The following WNT10B variants were observed in gnomAD, a reference collection of about 807,000 sequenced individuals.
The protein encoded by WNT10B is protein Wnt-10b.
WNT10B carries 26 observed loss-of-function variants against 32.7 expected under a neutral mutation model. The ratio of observed to expected loss-of-function variants is 0.79; its 90% CI spans 0.58 to 1.10. WNT10B has a LOEUF of 1.10. WNT10B is among the 50% of genes least tolerant of loss of function. The pLI, the probability that WNT10B is intolerant of heterozygous loss-of-function variation, is 0.00. For missense variants in WNT10B, 474 were observed against 532.5 expected, an observed-to-expected ratio of 0.89 and a Z score of 1.08; for synonymous variants, 204 against 220.4, an observed-to-expected ratio of 0.93 and a Z score of 0.66.
chr12:48,968,258 G>A lies in WNT10B; in HGVS notation c.399C>T (p.Ala133=), dbSNP rs751851407. 9.3e-6 allele frequency: 15 copies of A among 1,608,784 alleles called. No homozygotes were observed. Among genetic ancestry groups the A allele is most frequent in the Non-Finnish European group, 1.2e-5 (14 of 1,180,020 alleles). The change falls in exon 4 of 5, where the codon GCC becomes GCT. Residue 133 remains alanine (A), a synonymous_variant. Coordinates refer to ENST00000301061, the MANE Select transcript of WNT10B (RefSeq NM_003394.4). ...MLAAGVMHAV[A]TACSLGKLVS... ...CCAGCTTGCCCAGGCTGCAGGCCGTGGCTACTGCGTGCATGACCCCAGCAG... is the reference window on the plus strand; with the variant it reads ...CCAGCTTGCCCAGGCTGCAGGCCGTAGCTACTGCGTGCATGACCCCAGCAG...
At position 48,971,718 on chromosome 12, in the gene WNT10B, C is replaced by T. The variant is rs545941672; in HGVS notation, c.-304G>A. The T allele has an allele frequency of 6.6e-6, 1 of 152,174 alleles. No homozygotes were observed. Among genetic ancestry groups the T allele is most frequent in the Non-Finnish European group, 1.5e-5 (1 of 68,084 alleles). 9.4% of individuals were successfully genotyped at this position (152,174 alleles called of 1,614,324 possible). ...CTGGGGGCTCTGGCTTTGCTCTCAC[C>T]GAGCTCAGGGTGGCTCTGCCGGGCT... On this transcript the variant is annotated 5_prime_UTR_variant, in exon 1 of 5. Coordinates refer to ENST00000301061, the MANE Select transcript of WNT10B (RefSeq NM_003394.4).
intron 4 of WNT10B, among the ~76,000 whole-genome samples, chr12:48,967,592 G>A (rs559660779): frequency 2.6e-5 from 4 of 152,096 alleles, no homozygotes; most frequent in South Asian, 4.1e-4. Flanking sequence ...GAGCCACCGC[G>A]CCCGGCCCAG....
Position 48,966,306 on chromosome 12 carries a change from C to T in WNT10B, c.959G>A (p.Arg320Gln), listed in dbSNP as rs775734571. The stretch of plus-strand genomic sequence containing the variant: ...CCCTGGGGAGCCCATAGTGGGGTCT[C>T]GCTCACAGAAGTCAGGAGACTTCTC... ...YFEKSPDFCE[R>Q]DPTMGSPGTR... The change falls in exon 5 of 5, where the codon CGA (arginine) becomes CAA (glutamine). Residue 320 changes from arginine to glutamine, a missense_variant. Transcript: ENST00000301061. 1.1e-5 allele frequency: 18 copies of T among 1,614,220 alleles called. No homozygotes were observed. Among genetic ancestry groups the T allele is most frequent in the South Asian group, 3.3e-5 (3 of 91,084 alleles).
At position 48,965,755 on chromosome 12, in the gene WNT10B, C is replaced by CTA; in HGVS notation, c.*338_*339dup. 1 of 327,168 alleles carries CTA rather than the reference C, an allele frequency of 3.1e-6. No individual in the cohort carries two copies. The highest frequency in any genetic ancestry group is 3.7e-5 in the South Asian group (1 of 26,712). 20.3% of individuals were successfully genotyped at this position (327,168 alleles called of 1,614,324 possible). A position where few individuals can be genotyped will look rare whatever the true frequency, so the allele number is the denominator to read the frequency against. On this transcript the variant is annotated 3_prime_UTR_variant, in exon 5 of 5. Transcript: ENST00000301061. ...CCCTCAAGGGAGAGGAGTGGTGAAA[C>CTA]TATAGGGACTCCCCAGCCAAAAGGA...
rs2137610225 is a variant in WNT10B, at chr12:48,965,602, C to T, written c.*493G>A. On this transcript the variant is annotated 3_prime_UTR_variant, in exon 5 of 5. Transcript: ENST00000301061. ...CTCTTTCCCAAGAAAAACCTCTCTACCACTGTCTCCCATTATCCCACAAGA... is the reference window on the plus strand; with the variant it reads ...CTCTTTCCCAAGAAAAACCTCTCTATCACTGTCTCCCATTATCCCACAAGA... The T allele has an allele frequency of 6.2e-6, 1 of 160,614 alleles. No homozygotes were observed. Among genetic ancestry groups the T allele is most frequent in the Non-Finnish European group, 1.4e-5 (1 of 72,726 alleles). 9.9% of individuals were successfully genotyped at this position (160,614 alleles called of 1,614,324 possible).
Position 48,966,104 on chromosome 12 carries a change from CA to C in WNT10B, c.1160del (p.Val387GlyfsTer40). The C allele has an allele frequency of 1.2e-6, 2 of 1,613,780 alleles. No individual in the cohort carries two copies. Among genetic ancestry groups the C allele is most frequent in the Non-Finnish European group, 1.7e-6 (2 of 1,180,030 alleles). On this transcript the variant is annotated frameshift_variant, in exon 5 of 5. Coordinates refer to ENST00000301061, the MANE Select transcript of WNT10B (RefSeq NM_003394.4). LOFTEE classifies it high-confidence loss of function. Reference protein sequence around the residue: ...DECKVTEWVNVCK With the variant: ...DECKVTEWVNXCK Reference sequence around the variant, plus strand: ...AAGGTAAGGCTGACCCTCACTTACACACATTCACCCACTCTGTAACCTTGCA... The same window carrying C: ...AAGGTAAGGCTGACCCTCACTTACACCATTCACCCACTCTGTAACCTTGCA...
intron 4 of WNT10B, among the ~76,000 whole-genome samples, chr12:48,966,824 C>T (rs2137611484): frequency 6.6e-6 from 1 of 152,304 alleles, no homozygotes; most frequent in South Asian, 2.1e-4. Flanking sequence ...TGTCCTGACT[C>T]CCAATCCAGT....
Position 48,968,149 on chromosome 12 carries a change from C to T in WNT10B, c.508G>A (p.Gly170Ser). The T allele has an allele frequency of 6.8e-6, 11 of 1,614,266 alleles. No individual in the cohort carries two copies. Among genetic ancestry groups the T allele is most frequent in the Non-Finnish European group, 9.3e-6 (11 of 1,180,054 alleles). ...KLLQLQALSRGKSFPHSLPSP... is the reference protein window; with the variant it reads ...KLLQLQALSRSKSFPHSLPSP... ...GGCAGAGAGTGGGGGAAACTCTTGC[C>T]TCGGGACAGTGCCTGCAGCTGCAGC... Residue 170 changes from glycine (G) to serine (S), a missense_variant, in exon 4 of 5, where the codon GGC becomes AGC. Coordinates refer to ENST00000301061, the MANE Select transcript of WNT10B (RefSeq NM_003394.4).
rs530727830 is a variant in WNT10B, at chr12:48,970,681, C to A, written c.-40-112G>T. On this transcript the variant is annotated intron_variant, in intron 1 of 4. Transcript: ENST00000301061. The surrounding 1 kb of genome is among the most constrained non-coding windows in gnomAD (Gnocchi z 5.0). ...CACCGGTGCCACCCTACTGACCCTT[C>A]TCATTCCTCCTCAAACAAAACAAGA... The A allele has an allele frequency of 3.7e-5, 27 of 722,242 alleles. No homozygotes were observed. The highest frequency in any genetic ancestry group is 5.4e-5 in the African/African-American group (3 of 55,986). The allele number at this position is 722,242 out of a possible 1,614,324, so 44.7% of individuals were successfully genotyped here.
chr12:48,968,201 A>G lies in WNT10B; in HGVS notation c.456T>C (p.Gly152=). 1.2e-6 allele frequency: 2 copies of G among 1,613,476 alleles called. No individual in the cohort carries two copies. Among genetic ancestry groups the G allele is most frequent in the Non-Finnish European group, 8.5e-7 (1 of 1,180,036 alleles). The change falls in exon 4 of 5, where the codon GGT becomes GGC. Residue 152 remains glycine, a synonymous_variant. Coordinates refer to ENST00000301061, the MANE Select transcript of WNT10B (RefSeq NM_003394.4). ...GTTTGGCCCTCAGCCGATCCTGCTCACCACTGCCCTTCCAGCCACAGCCAC... is the reference window on the plus strand; with the variant it reads ...GTTTGGCCCTCAGCCGATCCTGCTCGCCACTGCCCTTCCAGCCACAGCCAC... ...VSCGCGWKGS[G]EQDRLRAKLL...
chr12:48,971,100 A>AG (rs1940847165), intron 1 of WNT10B, among the ~76,000 whole-genome samples: 1 of 152,156 alleles, frequency 6.6e-6, no homozygotes, highest in African/African-American at 2.4e-5. Context: ...GCAAGGAAAG[A>AG]GGAGAGGCTC....
intron 3 of WNT10B, among the ~76,000 whole-genome samples, chr12:48,968,858 A>ACCC (rs1287203992): frequency 6.7e-6 from 1 of 150,364 alleles, no homozygotes; most frequent in African/African-American, 2.4e-5. Flanking sequence ...CCATCCTAGC[A>ACCC]CCCCCAAAGC....
rs1357751869 is a variant in WNT10B at position 48,966,553 on chromosome 12, C to T, written c.712G>A (p.Val238Met). 1 of 1,612,696 alleles carries T rather than the reference C, an allele frequency of 6.2e-7. No individual in the cohort carries two copies. Residue 238 changes from valine to methionine, a missense_variant and splice_region_variant, in exon 5 of 5, where the codon GTG (valine) becomes ATG (methionine). Transcript: ENST00000301061. Reference sequence around the variant, plus strand: ...TTCCGCTTCAGGTTTTCAGTTACCACCTAGAGCATCAGGGGGAAAAGAGGT... The same window carrying T: ...TTCCGCTTCAGGTTTTCAGTTACCATCTAGAGCATCAGGGGGAAAAGAGGT... ...RIHNNRVGRQ[V>M]VTENLKRKCK...
chr12:48,970,731 T>A lies in WNT10B; in HGVS notation c.-40-162A>T, dbSNP rs769431426. 5 of 623,552 alleles carry A rather than the reference T, an allele frequency of 8.0e-6. No homozygotes were observed. 38.6% of individuals were successfully genotyped at this position (623,552 alleles called of 1,614,324 possible). On this transcript the variant is annotated intron_variant, in intron 1 of 4. Coordinates refer to ENST00000301061, the MANE Select transcript of WNT10B (RefSeq NM_003394.4). The surrounding 1 kb of genome is among the most constrained non-coding windows in gnomAD (Gnocchi z 5.0). ...AAGAAACACCCCTTGATTCCCAGAG[T>A]CCCTGAGGCTTGGAGGTCTTAAAGA... is the stretch of plus-strand genomic sequence containing the variant.
At position 48,970,161 on chromosome 12, in the gene WNT10B, C is replaced by A; in HGVS notation, c.265G>T (p.Asp89Tyr). Residue 89 changes from aspartate (D) to tyrosine (Y), a missense_variant, in exon 3 of 5, where the codon GAC becomes TAC. Transcript: ENST00000301061. This position sits in a 1 kb window ranked among gnomAD's most constrained non-coding sequence, Gnocchi z 5.0. ...AGCGCGGAGCAGTTCCAGCGCTGGT[C>A]GCGCAGCTGGTGCTGACACTCGTGG... ...AVHECQHQLR[D>Y]QRWNCSALEG... is the part of the protein sequence containing the mutation. 3 of 1,549,280 alleles carry A rather than the reference C, an allele frequency of 1.9e-6. No homozygotes were observed. Among genetic ancestry groups the A allele is most frequent in the Non-Finnish European group, 2.6e-6 (3 of 1,150,020 alleles).
At position 48,966,438 on chromosome 12, in the gene WNT10B, C is replaced by G; in HGVS notation, c.827G>C (p.Arg276Thr). 1 of 1,614,080 alleles carries G rather than the reference C, an allele frequency of 6.2e-7. No individual in the cohort carries two copies. Among genetic ancestry groups the G allele is most frequent in the Non-Finnish European group, 8.5e-7 (1 of 1,180,046 alleles). The part of the protein sequence containing the change: ...PEFRAVGAAL[R>T]ERLGRAIFID... Reference sequence around the variant, plus strand: ...GAAGATGGCCCGGCCCAGCCGCTCCCTCAACGCCGCCCCCACTGCCCGGAA... The same window carrying G: ...GAAGATGGCCCGGCCCAGCCGCTCCGTCAACGCCGCCCCCACTGCCCGGAA... Residue 276 changes from arginine (R) to threonine (T), a missense_variant, in exon 5 of 5, where the codon AGG becomes ACG. By Grantham distance (71) the Arg-to-Thr change is moderately conservative (BLOSUM62 -1). Transcript: ENST00000301061.
intron 4 of WNT10B, among the ~76,000 whole-genome samples, chr12:48,967,379 T>G (rs1940755514): frequency 6.6e-6 from 1 of 152,086 alleles, no homozygotes; most frequent in African/African-American, 2.4e-5. Context: ...TTAGCCAGGA[T>G]GGTCTCGATC....
intron 4 of WNT10B, among the ~76,000 whole-genome samples, chr12:48,967,415 C>T (rs1592250555): frequency 6.6e-6 from 1 of 152,068 alleles, no homozygotes; most frequent in South Asian, 2.1e-4. Flanking sequence ...CCACCCGCCT[C>T]GGCCTCCCAA....
intron 3 of WNT10B, chr12:48,969,015 AG>A: frequency 8.6e-6 from 4 of 465,842 alleles, no homozygotes; most frequent in South Asian, 4.7e-5. Flanking sequence ...ATTTTCCCTA[AG>A]GCCCTCTTAA....
Sources: gnomAD v4.1 joint callset for allele counts (sites outside exome capture counted in the v4.1 genomes callset) on GRCh38, gnomAD v4.1.1 for gene constraint, Gnocchi (gnomAD v3.1) non-coding constraint, MANE v1.5 for transcripts, NCBI Gene and HGNC (gene_info 2026-07-23, HGNC 2026-07-21) for gene names.